NUP153: variants seen among roughly 807,000 people sequenced by gnomAD.
NUP153 encodes the protein nuclear pore complex protein Nup153.
Under a neutral mutation model 134.6 loss-of-function variants are expected in NUP153, and 27 were observed. The observed-to-expected ratio is 0.20, with a 90% CI of 0.15 to 0.28. The LOEUF (loss-of-function observed/expected upper bound fraction) is 0.28, where lower values mean the gene tolerates loss of function less well. Ranked by LOEUF, NUP153 falls within the 10% of genes least tolerant of loss-of-function variation. NUP153 has a pLI of 1.00. For missense variants in NUP153, 1,821 were observed against 1,731.3 expected (o/e 1.05, Z -0.92); for synonymous variants, 640 against 623.5 (o/e 1.03, Z -0.40).
Position 17,637,595 on chromosome 6 carries a change from T to C in NUP153, c.2022A>G (p.Thr674=). 1 of 1,614,184 alleles carries C rather than the reference T, an allele frequency of 6.2e-7. No homozygotes were observed. Among genetic ancestry groups the C allele is most frequent in the Non-Finnish European group, 8.5e-7 (1 of 1,180,036 alleles). The change falls in exon 16 of 22, where the codon ACA becomes ACG. Residue 674 remains threonine, a synonymous_variant. Coordinates refer to ENST00000262077, the MANE Select transcript of NUP153 (RefSeq NM_005124.4). The part of the protein sequence containing the change: ...CDTCLLQNKV[T]DNKCIACQAA... ...CTTGACAGGCTATGCATTTGTTGTC[T>C]GTAACTTTGTTCTGGAGTAGACATG...
chr6:17,629,938 C>A (rs1473994389), intron 17 of NUP153, among the ~76,000 whole-genome samples: 1 of 152,184 alleles, frequency 6.6e-6, no homozygotes, highest in Non-Finnish European at 1.5e-5. Flanking sequence ...AATTCTATAG[C>A]TGGAGTTTGT....
chr6:17,641,716 G>C (rs561540200), intron 14 of NUP153, among the ~76,000 whole-genome samples: 3 of 152,052 alleles, frequency 2.0e-5, no homozygotes, highest in African/African-American at 7.2e-5. Flanking sequence ...TTAGCCGGGC[G>C]TGGTGGCAGG....
At chr6:17,662,276 GCA>G (rs1767237713) in intron 9 of NUP153, among the ~76,000 whole-genome samples, 1 of 152,088 alleles carries the variant, frequency 6.6e-6, no homozygotes, top group Non-Finnish European at 1.5e-5. Flanking sequence ...ATGTCAGTGA[GCA>G]CAATCATTAT....
chr6:17,645,304 T>C (rs1370473024), intron 14 of NUP153, among the ~76,000 whole-genome samples: 1 of 140,854 alleles, frequency 7.1e-6, no homozygotes, highest in Non-Finnish European at 1.6e-5. Context: ...CATTTCTTTC[T>C]TTTTTTTTGA....
chr6:17,696,430 G>C (rs547224356), intron 1 of NUP153, among the ~76,000 whole-genome samples: 85 of 152,230 alleles, frequency 5.6e-4, no homozygotes, highest in African/African-American at 1.9e-3. Flanking sequence ...AGGGAAATAA[G>C]CTTTCTGTAT....
intron 11 of NUP153, among the ~76,000 whole-genome samples, chr6:17,650,806 A>G (rs1766460159): frequency 6.6e-6 from 1 of 152,214 alleles, no homozygotes; most frequent in Non-Finnish European, 1.5e-5. Flanking sequence ...CAAAAAGTAC[A>G]CATTGAATTT....
chr6:17,654,690 C>T (rs1766706835), intron 11 of NUP153, among the ~76,000 whole-genome samples: 1 of 152,072 alleles, frequency 6.6e-6, no homozygotes, highest in African/African-American at 2.4e-5. Flanking sequence ...TAAGTGGGTC[C>T]CACTAATCTA....
rs185095599 is a variant in NUP153 at position 17,656,942 on chromosome 6, A to C, written c.1395+4711T>G. Among the ~76,000 whole-genome samples, 72 of 152,304 alleles carry C rather than the reference A, an allele frequency of 4.7e-4. No individual in the cohort carries two copies. In the East Asian group the frequency reaches 0.011, roughly 24 times the overall value. ...GACTCTAGTTGGTCATATTAGTTCCAGCCAATTTCAGTCAGTTTTGTTATC... is the reference window on the plus strand; with the variant it reads ...GACTCTAGTTGGTCATATTAGTTCCCGCCAATTTCAGTCAGTTTTGTTATC... On this transcript the variant is annotated intron_variant, in intron 11 of 21. Coordinates refer to ENST00000262077, the MANE Select transcript of NUP153 (RefSeq NM_005124.4).
At chr6:17,705,325 T>A (rs1365612228) in intron 1 of NUP153, among the ~76,000 whole-genome samples, 1 of 152,206 alleles carries the variant, frequency 6.6e-6, no homozygotes, top group South Asian at 2.1e-4. Context: ...ATCAATATTT[T>A]AAAAATGGAA....
intron 14 of NUP153, among the ~76,000 whole-genome samples, chr6:17,645,371 G>A (rs1225315711): frequency 6.6e-6 from 1 of 151,360 alleles, no homozygotes; most frequent in Non-Finnish European, 1.5e-5. Context: ...ATAGCTCACT[G>A]TAGCCTTGAA....
intron 11 of NUP153, among the ~76,000 whole-genome samples, chr6:17,651,361 TAATA>T (rs1766484789): frequency 6.6e-6 from 1 of 151,844 alleles, no homozygotes; most frequent in Non-Finnish European, 1.5e-5. Context: ...AATAATTAAA[TAATA>T]AATATTCCCT....
intron 8 of NUP153, among the ~76,000 whole-genome samples, chr6:17,666,045 A>C (rs1767516142): frequency 6.6e-6 from 1 of 151,240 alleles, no homozygotes; most frequent in Non-Finnish European, 1.5e-5. Flanking sequence ...GGCTGATCTC[A>C]AACTTCTGGG....
At chr6:17,622,402 C>G (rs1764687908) in intron 20 of NUP153, among the ~76,000 whole-genome samples, 1 of 152,110 alleles carries the variant, frequency 6.6e-6, no homozygotes, top group Non-Finnish European at 1.5e-5. Flanking sequence ...CAGGTTGAGG[C>G]AGTAGTGAGC....
chr6:17,665,197 T>A lies in NUP153; in HGVS notation c.1215+42A>T, dbSNP rs761914196. The A allele has an allele frequency of 2.7e-6, 4 of 1,455,468 alleles. No homozygotes were observed. The Admixed American group carries it at 5.2e-5, about 19-fold the overall frequency. 90.2% of individuals were successfully genotyped at this position (1,455,468 alleles called of 1,614,324 possible). On this transcript the variant is annotated intron_variant, in intron 9 of 21. Transcript: ENST00000262077. ...TTACATTATTTAGTCTTACTTATTC[T>A]AATCAATATTCAAAGACTGGTAGAA...
chr6:17,698,614 T>C (rs1260842254), intron 1 of NUP153, among the ~76,000 whole-genome samples: 1 of 151,796 alleles, frequency 6.6e-6, no homozygotes, highest in Non-Finnish European at 1.5e-5. Context: ...GGTGGGCACC[T>C]GTAGTCCCAG....
intron 17 of NUP153, among the ~76,000 whole-genome samples, chr6:17,631,165 A>G (rs925595942): frequency 6.6e-6 from 1 of 152,226 alleles, no homozygotes; most frequent in African/African-American, 2.4e-5. Context: ...TTAAAATAAA[A>G]TAAAACAGAA....
At chr6:17,690,878 G>A (rs1427256684) in intron 1 of NUP153, among the ~76,000 whole-genome samples, 1 of 152,046 alleles carries the variant, frequency 6.6e-6, no homozygotes, top group Non-Finnish European at 1.5e-5. Context: ...GGTGGCTCAC[G>A]CCTGTAATCC....
At chr6:17,673,909 CTTCA>C (rs1190325625) in intron 5 of NUP153, among the ~76,000 whole-genome samples, 1 of 152,220 alleles carries the variant, frequency 6.6e-6, no homozygotes, top group African/African-American at 2.4e-5. Flanking sequence ...TTCATAGCAG[CTTCA>C]TTCATAATTG....
intron 11 of NUP153, among the ~76,000 whole-genome samples, chr6:17,657,053 A>T (rs2113809638): frequency 6.6e-6 from 1 of 152,238 alleles, no homozygotes; most frequent in South Asian, 2.1e-4. Context: ...GATTTCTTTA[A>T]TTCTTTGGAG....
Sources: gnomAD v4.1 joint callset for allele counts (sites outside exome capture counted in the v4.1 genomes callset) on GRCh38, gnomAD v4.1.1 for gene constraint, MANE v1.5 for transcripts, NCBI Gene and HGNC (gene_info 2026-07-23, HGNC 2026-07-21) for gene names.